WWOX: variants seen among roughly 807,000 people sequenced by gnomAD.
WWOX encodes WW domain-containing oxidoreductase.
WWOX carries 69 observed loss-of-function variants against 46.2 expected under a neutral mutation model. That is an observed-to-expected ratio of 1.49 (90% CI 1.23 to 1.82). WWOX has a LOEUF of 1.82. WWOX is among the 40% of genes most tolerant of loss of function. The probability of loss-of-function intolerance (pLI) is 0.00; values close to 1 mark genes in which losing one functional copy is unlikely to be tolerated. For synonymous variants in WWOX, 359 were observed against 202.6 expected (o/e 1.77, Z -6.56); for missense variants, 919 against 542.6 (o/e 1.69, Z -6.89).
In WWOX at chr16:79,212,411, C is replaced by A; in HGVS notation, c.*615C>A. ...GTGGCAAAGTACTTGTCATAGACTC[C>A]TTTGCTAATGCTATGCAAAAAATTC... is the stretch of plus-strand genomic sequence containing the variant. On this transcript the variant is annotated 3_prime_UTR_variant, in exon 9 of 9. Coordinates refer to ENST00000566780, the MANE Select transcript of WWOX (RefSeq NM_016373.4). 1 of 398,810 alleles carries A rather than the reference C, an allele frequency of 2.5e-6. No homozygotes were observed. The highest frequency in any genetic ancestry group is 4.5e-6 in the Non-Finnish European group (1 of 224,116). The allele number at this position is 398,810 out of a possible 1,614,324, so 24.7% of individuals were successfully genotyped here. A position where few individuals can be genotyped will look rare whatever the true frequency, so the allele number is the denominator to read the frequency against.
intron 7 of WWOX, among the ~76,000 whole-genome samples, chr16:78,428,584 T>G (rs1481537453): frequency 1.3e-5 from 2 of 152,252 alleles, no homozygotes; most frequent in South Asian, 2.1e-4. Flanking sequence ...TTCTTTTGAC[T>G]TGTTTCTAGA....
chr16:78,435,238 C>T (rs1386248622), intron 8 of WWOX, among the ~76,000 whole-genome samples: 3 of 152,118 alleles, frequency 2.0e-5, no homozygotes, highest in African/African-American at 7.2e-5. Context: ...GGTTGCAACT[C>T]AGTGAGCACC....
intron 8 of WWOX, among the ~76,000 whole-genome samples, chr16:78,845,055 G>GT (rs1394080611): frequency 6.6e-6 from 1 of 151,840 alleles, no homozygotes; most frequent in East Asian, 1.9e-4. Flanking sequence ...CAGACAAATG[G>GT]AAAACCTTCA....
intron 8 of WWOX, among the ~76,000 whole-genome samples, chr16:79,076,730 G>A (rs2048664525): frequency 6.6e-6 from 1 of 152,200 alleles, no homozygotes; most frequent in South Asian, 2.1e-4. Flanking sequence ...GACTGTGGTC[G>A]GGTTATTGGT....
At chr16:78,930,571 A>G (rs1457448817) in intron 8 of WWOX, among the ~76,000 whole-genome samples, 2 of 149,370 alleles carry the variant, frequency 1.3e-5, no homozygotes, top group Non-Finnish European at 1.5e-5. Context: ...GATCACAGGC[A>G]TAGGCTGCTG....
At chr16:78,360,212 A>T (rs376123687) in intron 5 of WWOX, among the ~76,000 whole-genome samples, 1 of 152,206 alleles carries the variant, frequency 6.6e-6, no homozygotes, top group African/African-American at 2.4e-5. Flanking sequence ...TTGTGAGGAC[A>T]TCCACCTGCT....
chr16:78,559,767 A>G (rs938210794), intron 8 of WWOX, among the ~76,000 whole-genome samples: 22 of 152,186 alleles, frequency 1.4e-4, no homozygotes, highest in Non-Finnish European at 4.4e-5. Context: ...AATCGTGTGA[A>G]TGTATTGCAG....
intron 6 of WWOX, among the ~76,000 whole-genome samples, chr16:78,411,954 G>A (rs943628506): frequency 2.0e-5 from 3 of 152,224 alleles, no homozygotes; most frequent in African/African-American, 7.2e-5. Flanking sequence ...TCCATGGGGA[G>A]CTCTGGAGAA....
chr16:78,325,897 T>G (rs987314409), intron 5 of WWOX, among the ~76,000 whole-genome samples: 5 of 152,242 alleles, frequency 3.3e-5, no homozygotes, highest in African/African-American at 1.2e-4. Context: ...TTAATCAAAT[T>G]AAAGGCTATG....
At chr16:78,284,754 A>G (rs1397260303) in intron 5 of WWOX, among the ~76,000 whole-genome samples, 1 of 152,222 alleles carries the variant, frequency 6.6e-6, no homozygotes, top group African/African-American at 2.4e-5. Flanking sequence ...GTTTAAATGC[A>G]ATAGATGCAG....
intron 8 of WWOX, among the ~76,000 whole-genome samples, chr16:78,793,358 G>T (rs1270101361): frequency 6.6e-6 from 1 of 152,152 alleles, no homozygotes; most frequent in Non-Finnish European, 1.5e-5. Flanking sequence ...ACCATGCCAG[G>T]CCCCTGCCTC....
intron 6 of WWOX, among the ~76,000 whole-genome samples, chr16:78,423,618 A>G (rs1433662763): frequency 3.3e-5 from 5 of 152,256 alleles, no homozygotes; most frequent in Admixed American, 2.6e-4. Context: ...GCTTGAGACC[A>G]GGAACTCAAG....
intron 8 of WWOX, among the ~76,000 whole-genome samples, chr16:78,944,152 T>C (rs963253792): frequency 2.1e-4 from 32 of 152,312 alleles, no homozygotes; most frequent in African/African-American, 7.5e-4. Context: ...AAGATTGTTG[T>C]TGATTGATTT....
At chr16:79,158,238 A>G (rs2050419867) in intron 8 of WWOX, among the ~76,000 whole-genome samples, 1 of 152,204 alleles carries the variant, frequency 6.6e-6, no homozygotes, top group Non-Finnish European at 1.5e-5. Flanking sequence ...GGAGGAGATG[A>G]TCAGAAACAT....
At chr16:78,388,855 G>C (rs2082116470) in intron 6 of WWOX, among the ~76,000 whole-genome samples, 1 of 151,728 alleles carries the variant, frequency 6.6e-6, no homozygotes, top group Non-Finnish European at 1.5e-5. Flanking sequence ...TGTAATCCCA[G>C]CTACTTGGGA....
At chr16:78,694,734 A>G (rs1350044449) in intron 8 of WWOX, among the ~76,000 whole-genome samples, 3 of 152,214 alleles carry the variant, frequency 2.0e-5, no homozygotes, top group African/African-American at 7.2e-5. Context: ...GCTTTTTCTC[A>G]TAAGAACGCT....
chr16:79,089,356 G>C (rs919444426), intron 8 of WWOX, among the ~76,000 whole-genome samples: 2 of 146,786 alleles, frequency 1.4e-5, no homozygotes, highest in Non-Finnish European at 1.5e-5. Context: ...TTTTGAGGCA[G>C]AGTCTAGCTC....
At chr16:78,917,948 T>C (rs1026972345) in intron 8 of WWOX, among the ~76,000 whole-genome samples, 2 of 152,156 alleles carry the variant, frequency 1.3e-5, no homozygotes, top group Admixed American at 6.5e-5. Flanking sequence ...ACACACATAA[T>C]CTTAGCACTT....
intron 5 of WWOX, among the ~76,000 whole-genome samples, chr16:78,317,913 C>T (rs1460856700): frequency 6.6e-6 from 1 of 152,186 alleles, no homozygotes; most frequent in Non-Finnish European, 1.5e-5. Flanking sequence ...TTGCTAATCC[C>T]CTCATGCACT....
Sources: allele counts gnomAD v4.1 joint callset (sites outside exome capture counted in the v4.1 genomes callset), GRCh38; gene constraint gnomAD v4.1.1; transcripts MANE v1.5; gene names NCBI Gene and HGNC (gene_info 2026-07-23, HGNC 2026-07-21).